TRIP4: variants seen among roughly 807,000 people sequenced by gnomAD.
TRIP4 encodes the protein thyroid hormone receptor interactor 4.
Under a neutral mutation model 81.8 loss-of-function variants are expected in TRIP4, and 54 were observed. That is an observed-to-expected ratio of 0.66 (90% CI 0.53 to 0.83). TRIP4 has a LOEUF of 0.83. TRIP4 is among the 40% of genes least tolerant of loss of function. The pLI is 0.00. For synonymous variants in TRIP4, 270 were observed against 242.8 expected (o/e 1.11, Z -1.04); for missense variants, 662 against 683.6 (o/e 0.97, Z 0.35).
intron 1 of TRIP4, among the ~76,000 whole-genome samples, chr15:64,389,494 A>G (rs571366783): frequency 6.6e-6 from 1 of 152,130 alleles, no homozygotes; most frequent in East Asian, 1.9e-4. Context: ...AAACAACAAG[A>G]TAAAGGATTT....
intron 9 of TRIP4, 80 bp from the exon 10 acceptor site, chr15:64,423,951 T>A: frequency 6.4e-7 from 1 of 1,551,018 alleles, no homozygotes; most frequent in Non-Finnish European, 8.8e-7. Flanking sequence ...GATAATTTGC[T>A]ATAGGATTTG....
chr15:64,440,253 TATAAA>T (rs562129389), intron 11 of TRIP4, among the ~76,000 whole-genome samples: 341 of 151,704 alleles, frequency 2.2e-3, no homozygotes, highest in African/African-American at 7.8e-3. Context: ...TAATAATAAA[TATAAA>T]ATAAAATGTG....
intron 11 of TRIP4, among the ~76,000 whole-genome samples, chr15:64,434,695 T>C (rs1404543455): frequency 6.6e-6 from 1 of 152,116 alleles, no homozygotes; most frequent in African/African-American, 2.4e-5. Flanking sequence ...GCCAATGAAA[T>C]GAGGCAAGAC....
Position 64,418,427 on chromosome 15 carries a change from T to G in TRIP4, c.1171-114T>G. ...ATGCCCGGCCTGGGATATATTTTTC[T>G]AAGAAAAATGTTCCCAATATGATTT... On this transcript the variant is annotated intron_variant, in intron 8 of 12. Coordinates refer to ENST00000261884, the MANE Select transcript of TRIP4 (RefSeq NM_016213.5). 3 of 1,209,690 alleles carry G rather than the reference T, an allele frequency of 2.5e-6. No homozygotes were observed. The South Asian group carries it at 4.9e-5, about 20-fold the overall frequency. 74.9% of individuals were successfully genotyped at this position (1,209,690 alleles called of 1,614,324 possible).
intron 4 of TRIP4, among the ~76,000 whole-genome samples, chr15:64,399,973 C>CAA (rs777165797): frequency 1.1e-5 from 1 of 87,536 alleles, no homozygotes. Context: ...ACACCCTGCT[C>CAA]AAAAAAAAAA....
intron 11 of TRIP4, among the ~76,000 whole-genome samples, chr15:64,437,500 T>G (rs1250721229): frequency 6.0e-5 from 9 of 149,742 alleles, no homozygotes; most frequent in Admixed American, 2.0e-4. Context: ...GTTACTTTGT[T>G]TTTTTTTTTT....
intron 1 of TRIP4, among the ~76,000 whole-genome samples, chr15:64,392,195 G>A (rs1458340214): frequency 6.6e-6 from 1 of 151,890 alleles, no homozygotes; most frequent in East Asian, 1.9e-4. Context: ...CTACTCAGGA[G>A]GCTGAGGTAG....
At chr15:64,418,482 C>T (rs1891935002) in intron 8 of TRIP4, 59 bp from the exon 9 acceptor site, 1 of 1,473,538 alleles carries the variant, frequency 6.8e-7, no homozygotes, top group East Asian at 2.4e-5. Context: ...ATCATTTTGT[C>T]TACCTACCCC....
intron 8 of TRIP4, 40 bp downstream of exon 8, chr15:64,414,251 G>C (rs1305870470): frequency 3.1e-6 from 5 of 1,608,194 alleles, no homozygotes; most frequent in Admixed American, 1.7e-5. Flanking sequence ...AAGAAGTTTG[G>C]CCCCAATTTT....
Position 64,424,077 on chromosome 15 carries a change from A to C in TRIP4, c.1405A>C (p.Ile469Leu). ...CACCCCCCACAGAGGACGACTTTGG[A>C]TAGCAGCCACAGCTAAAAAACCCTC... ...WYTPHRGRLW[I>L]AATAKKPSPQ... The change falls in exon 10 of 13, where the codon ATA (isoleucine) becomes CTA (leucine). Residue 469 changes from isoleucine to leucine, a missense_variant. Transcript: ENST00000261884. 1 of 1,614,136 alleles carries C rather than the reference A, an allele frequency of 6.2e-7. No individual in the cohort carries two copies. Among genetic ancestry groups the C allele is most frequent in the African/African-American group, 1.3e-5 (1 of 75,028 alleles).
Position 64,425,496 on chromosome 15 carries a change from CAAA to C in TRIP4, c.1484-43_1484-41del, listed in dbSNP as rs776485749. On this transcript the variant is annotated intron_variant, in intron 10 of 12. Coordinates refer to ENST00000261884, the MANE Select transcript of TRIP4 (RefSeq NM_016213.5). ...AACAGATTCCTGAGTTCCAAGATCACAAAGAAGGAAATTTATTCAATATTTTTG... is the reference window on the plus strand; with the variant it reads ...AACAGATTCCTGAGTTCCAAGATCACGAAGGAAATTTATTCAATATTTTTG... The C allele has an allele frequency of 3.3e-6, 5 of 1,530,842 alleles. No homozygotes were observed. The South Asian group carries it at 5.9e-5, about 18-fold the overall frequency. The allele number at this position is 1,530,842 out of a possible 1,614,324, so 94.8% of individuals were successfully genotyped here. A position where few individuals can be genotyped will look rare whatever the true frequency, so the allele number is the denominator to read the frequency against.
chr15:64,410,602 A>C (rs948615838), intron 7 of TRIP4, among the ~76,000 whole-genome samples: 1 of 152,232 alleles, frequency 6.6e-6, no homozygotes, highest in Non-Finnish European at 1.5e-5. Flanking sequence ...GTTTCACTAA[A>C]GAGTTAAATA....
At chr15:64,435,519 C>G (rs1436767343) in intron 11 of TRIP4, among the ~76,000 whole-genome samples, 2 of 73,798 alleles carry the variant, frequency 2.7e-5, no homozygotes, top group Non-Finnish European at 6.1e-5. Flanking sequence ...GAGTGAGACT[C>G]TGTCTCAAAA....
At chr15:64,396,418 A>G (rs927945870) in intron 3 of TRIP4, among the ~76,000 whole-genome samples, 5 of 151,546 alleles carry the variant, frequency 3.3e-5, no homozygotes, top group African/African-American at 1.2e-4. Context: ...CTGTGATTAC[A>G]GGCACACATG....
chr15:64,405,429 C>T (rs868616205), intron 5 of TRIP4, among the ~76,000 whole-genome samples: 29 of 152,196 alleles, frequency 1.9e-4, no homozygotes, highest in African/African-American at 6.0e-4. Context: ...GCTGGGATTA[C>T]AGGCGTGAGC....
In TRIP4 at chr15:64,455,012, A is replaced by G. The variant is rs931692706; in HGVS notation, c.1694A>G (p.Lys565Arg). 1.9e-6 allele frequency: 3 copies of G among 1,613,900 alleles called. No homozygotes were observed. Among genetic ancestry groups the G allele is most frequent in the African/African-American group, 1.3e-5 (1 of 74,928 alleles). Reference protein sequence around the residue: ...GNPKIWKLDSKIHQGAKKGLM... With the variant: ...GNPKIWKLDSRIHQGAKKGLM... Reference sequence around the variant, plus strand: ...TCCCTTACAGGGAAATTGGATTCCAAGATCCATCAAGGAGCAAAGAAGGGG... The same window carrying G: ...TCCCTTACAGGGAAATTGGATTCCAGGATCCATCAAGGAGCAAAGAAGGGG... Residue 565 changes from lysine to arginine, a missense_variant, in exon 13 of 13, where the codon AAG (lysine) becomes AGG (arginine). Lys to Arg is a conservative substitution (Grantham distance 26). Coordinates refer to ENST00000261884, the MANE Select transcript of TRIP4 (RefSeq NM_016213.5).
chr15:64,422,055 A>G (rs1290502857), intron 9 of TRIP4, among the ~76,000 whole-genome samples: 1 of 151,990 alleles, frequency 6.6e-6, no homozygotes, highest in African/African-American at 2.4e-5. Context: ...GCAAGAGGCT[A>G]TACCATAGCC....
rs35364159 is a variant in TRIP4 at position 64,454,081 on chromosome 15, T to C, written c.1679-916T>C. Among the ~76,000 whole-genome samples, 1,435 of 152,172 alleles carry C rather than the reference T, an allele frequency of 9.4e-3. 11 individuals are homozygous for C. The highest frequency in any genetic ancestry group is 0.021 in the Middle Eastern group (6 of 290). ...AGTGATTATGGGCATGGGCCTGTGG[T>C]ATACTCAGCTGCCTTTGAAGGGGAA... On this transcript the variant is annotated intron_variant, in intron 12 of 12. Coordinates refer to ENST00000261884, the MANE Select transcript of TRIP4 (RefSeq NM_016213.5).
chr15:64,410,111 C>A (rs866024615), intron 7 of TRIP4, among the ~76,000 whole-genome samples: 1 of 150,382 alleles, frequency 6.6e-6, no homozygotes, highest in Non-Finnish European at 1.5e-5. Flanking sequence ...CTGCAACCTC[C>A]GCCTCCCAGG....
Sources: allele counts gnomAD v4.1 joint callset (sites outside exome capture counted in the v4.1 genomes callset), GRCh38; gene constraint gnomAD v4.1.1; transcripts MANE v1.5; gene names NCBI Gene and HGNC (gene_info 2026-07-23, HGNC 2026-07-21).